ATG7: variants seen among roughly 807,000 people sequenced by gnomAD.
The protein encoded by ATG7 is autophagy related 7.
A neutral mutation model predicts 82.4 loss-of-function variants in ATG7; 70 were observed. That is an observed-to-expected ratio of 0.85 (90% confidence interval 0.70 to 1.04). The LOEUF (loss-of-function observed/expected upper bound fraction) is 1.04. Among genes scored for constraint, ATG7 ranks in the 50% least tolerant of loss-of-function variants. ATG7 has a pLI of 0.00. For synonymous variants in ATG7, 287 were observed against 313.0 expected, an observed-to-expected ratio of 0.92 and a Z score of 0.88; for missense variants, 792 against 864.3, an observed-to-expected ratio of 0.92 and a Z score of 1.05.
At chr3:11,516,418 A>G (rs571598548) in intron 20 of ATG7, among the ~76,000 whole-genome samples, 1 of 152,360 alleles carries the variant, frequency 6.6e-6, no homozygotes, top group Non-Finnish European at 1.5e-5. Context: ...ACCTACTAGA[A>G]TGGCCAAAAT....
chr3:11,456,259 G>A (rs1338674517), intron 20 of ATG7, among the ~76,000 whole-genome samples: 2 of 152,110 alleles, frequency 1.3e-5, no homozygotes, highest in African/African-American at 2.4e-5. Context: ...CTTGTGACTG[G>A]CATCTTCCAC....
chr3:11,407,749 C>T (rs2080484815), intron 19 of ATG7, among the ~76,000 whole-genome samples: 1 of 152,236 alleles, frequency 6.6e-6, no homozygotes, highest in Non-Finnish European at 1.5e-5. Flanking sequence ...ATGGCATGAA[C>T]TCTGTGTTGG....
chr3:11,318,259 C>T (rs1297021380), intron 9 of ATG7, among the ~76,000 whole-genome samples: 3 of 152,124 alleles, frequency 2.0e-5, no homozygotes, highest in African/African-American at 4.8e-5. Flanking sequence ...ACTCAGCACA[C>T]GTGATGAACA....
chr3:11,478,657 A>G (rs1042803172), intron 20 of ATG7, among the ~76,000 whole-genome samples: 2 of 152,196 alleles, frequency 1.3e-5, no homozygotes, highest in Non-Finnish European at 2.9e-5. Flanking sequence ...AAAACAGCAG[A>G]CTTAAATAGA....
At chr3:11,345,382 C>T (rs1559439047) in intron 13 of ATG7, among the ~76,000 whole-genome samples, 1 of 152,150 alleles carries the variant, frequency 6.6e-6, no homozygotes, top group Non-Finnish European at 1.5e-5. Context: ...GCACTCCAGC[C>T]TGGGTGACAG....
chr3:11,552,995 C>G (rs1435092385), intron 20 of ATG7, among the ~76,000 whole-genome samples: 1 of 152,258 alleles, frequency 6.6e-6, no homozygotes, highest in East Asian at 1.9e-4. Flanking sequence ...ACCCCAACCA[C>G]CCATTTGCAG....
chr3:11,413,579 A>G (rs1390220427), intron 19 of ATG7, among the ~76,000 whole-genome samples: 1 of 146,724 alleles, frequency 6.8e-6, no homozygotes. Flanking sequence ...ATGTCACACA[A>G]AAAACTGACT....
chr3:11,383,231 C>G (rs568395209), intron 19 of ATG7, among the ~76,000 whole-genome samples: 21 of 152,134 alleles, frequency 1.4e-4, no homozygotes, highest in Non-Finnish European at 2.5e-4. Flanking sequence ...GTCTCTGGCT[C>G]CCTTCAATCT....
At chr3:11,545,548 G>T (rs1054995128) in intron 20 of ATG7, among the ~76,000 whole-genome samples, 2 of 152,136 alleles carry the variant, frequency 1.3e-5, no homozygotes, top group African/African-American at 4.8e-5. Context: ...GTCTCTTCTT[G>T]TCCATAAACC....
intron 20 of ATG7, among the ~76,000 whole-genome samples, chr3:11,504,774 A>T (rs1429454421): frequency 6.6e-6 from 1 of 152,242 alleles, no homozygotes; most frequent in Non-Finnish European, 1.5e-5. Flanking sequence ...AAGAATAAGT[A>T]ATCCTAGTAT....
intron 9 of ATG7, among the ~76,000 whole-genome samples, chr3:11,324,282 CG>C (rs1396635207): frequency 6.6e-6 from 1 of 152,054 alleles, no homozygotes; most frequent in Non-Finnish European, 1.5e-5. Flanking sequence ...TCTGTTTAAC[CG>C]TAGTATAAGC....
At chr3:11,327,281 T>C (rs1364132975) in intron 9 of ATG7, among the ~76,000 whole-genome samples, 2 of 152,270 alleles carry the variant, frequency 1.3e-5, no homozygotes, top group East Asian at 3.8e-4. Context: ...AATGCTTGTT[T>C]CTCCATATTT....
chr3:11,445,540 G>A (rs112942210), intron 20 of ATG7, among the ~76,000 whole-genome samples: 2,408 of 152,240 alleles, frequency 0.016, 65 homozygotes, highest in African/African-American at 0.055. Context: ...GATGGAGGGT[G>A]GGAGGAGGAA....
chr3:11,317,298 C>A (rs1229081074), intron 9 of ATG7, among the ~76,000 whole-genome samples: 1 of 152,120 alleles, frequency 6.6e-6, no homozygotes, highest in Non-Finnish European at 1.5e-5. Flanking sequence ...TCATAGCAGG[C>A]AGGATTAAAT....
At chr3:11,389,019 G>A (rs575389633) in intron 19 of ATG7, among the ~76,000 whole-genome samples, 1 of 151,976 alleles carries the variant, frequency 6.6e-6, no homozygotes, top group East Asian at 1.9e-4. Flanking sequence ...AGGCTGAGGG[G>A]GGCAGATCAC....
intron 5 of ATG7, chr3:11,304,355 T>C (rs546314344): frequency 6.6e-6 from 1 of 152,336 alleles, no homozygotes; most frequent in South Asian, 2.1e-4. Flanking sequence ...CAAAATCACA[T>C]GTGGTGTGGT....
At chr3:11,573,316 GAAGAAAGAAAGAAAGAAAGAAAGA>G in the ATG7 span, among the ~76,000 whole-genome samples, 693 of 20,702 alleles carry the variant, frequency 0.033, 14 homozygotes, top group Middle Eastern at 0.089. Context: ...AGGAAGGAAG[GAAGAAAGAAAGAAAGAAAGAAAGA>G]AAGAAAGAAA....
chr3:11,522,461 T>C (rs1158159513), intron 20 of ATG7, among the ~76,000 whole-genome samples: 1 of 147,870 alleles, frequency 6.8e-6, no homozygotes, highest in East Asian at 2.1e-4. Flanking sequence ...AGCTCACGAT[T>C]TATTAGTGAG....
At chr3:11,546,536 C>T (rs2071306482) in intron 20 of ATG7, among the ~76,000 whole-genome samples, 1 of 152,146 alleles carries the variant, frequency 6.6e-6, no homozygotes, top group Admixed American at 6.5e-5. Flanking sequence ...TATAATTGTG[C>T]CATTCCCAAG....
Sources: gnomAD v4.1 joint callset for allele counts (sites outside exome capture counted in the v4.1 genomes callset) on GRCh38, gnomAD v4.1.1 for gene constraint, MANE v1.5 for transcripts, NCBI Gene and HGNC (gene_info 2026-07-23, HGNC 2026-07-21) for gene names.